SNW1: variants seen among roughly 807,000 people sequenced by gnomAD.
SNW1 encodes SNW domain containing 1, also known as SNW domain-containing protein 1.
A neutral mutation model predicts 75.6 loss-of-function variants in SNW1; 9 were observed. The observed-to-expected ratio is 0.12, with a 90% CI of 0.07 to 0.21. The LOEUF (loss-of-function observed/expected upper bound fraction) is 0.21. Among genes scored for constraint, SNW1 ranks in the 10% least tolerant of loss-of-function variants. SNW1 has a pLI of 1.00. For missense variants in SNW1, 409 were observed against 670.9 expected (o/e 0.61, Z 4.31); for synonymous variants, 200 against 219.1 (o/e 0.91, Z 0.77).
intron 12 of SNW1, among the ~76,000 whole-genome samples, chr14:77,720,223 CT>C (rs1369191703): frequency 2.1e-5 from 1 of 47,712 alleles, no homozygotes; most frequent in African/African-American, 1.0e-4. Context: ...GTGGCACAAT[CT>C]TGGCTCACCA....
rs2080881172 is a variant in SNW1 at position 77,760,673 on chromosome 14, C to T, written c.14+441G>A. The T allele has an allele frequency of 4.3e-6, 3 of 702,218 alleles. No individual in the cohort carries two copies. In the Admixed American group the frequency reaches 6.0e-5, roughly 14 times the overall value. The allele number at this position is 702,218 out of a possible 1,614,324, so 43.5% of individuals were successfully genotyped here. ...TTCAGGAATCCTTGTTTCGGGACAC[C>T]CAGTGGACAGCGAAAGGAGAGAGAC... On this transcript the variant is annotated intron_variant, in intron 1 of 13. Transcript: ENST00000261531.
At chr14:77,732,740 C>G in intron 8 of SNW1, 139 bp from the exon 9 acceptor site, 1 of 610,090 alleles carries the variant, frequency 1.6e-6, no homozygotes, top group South Asian at 2.0e-5. Flanking sequence ...TCTCGGCTCA[C>G]TGCAACCTCT....
At chr14:77,732,293 T>C (rs2080633594) in intron 9 of SNW1, among the ~76,000 whole-genome samples, 192 bp downstream of exon 9, 1 of 152,158 alleles carries the variant, frequency 6.6e-6, no homozygotes, top group Non-Finnish European at 1.5e-5. Context: ...CACTGTGGGG[T>C]GTATGTACAC....
intron 3 of SNW1, among the ~76,000 whole-genome samples, chr14:77,741,209 G>A (rs1418308277): frequency 6.6e-6 from 1 of 150,434 alleles, no homozygotes; most frequent in Non-Finnish European, 1.5e-5. Flanking sequence ...GAGATATTCT[G>A]TTACATGCTA....
At chr14:77,721,757 A>AT (rs1329378745) in intron 11 of SNW1, among the ~76,000 whole-genome samples, 3 of 151,406 alleles carry the variant, frequency 2.0e-5, no homozygotes, top group Non-Finnish European at 4.4e-5. Flanking sequence ...TTTATTTTTT[A>AT]TTTTTTATGA....
chr14:77,754,972 A>G lies in SNW1; in HGVS notation c.163T>C (p.Leu55=). The part of the protein sequence containing the change: ...GYRKGWIPRL[L]EDFGDGGAFP... ...AACTTAAGATCTATATGTACCTCTA[A>G]TAACCGAGGTATCCAGCCTTTCCGG... is the stretch of plus-strand genomic sequence containing the variant. The change falls in exon 2 of 14, where the codon TTA becomes CTA. Residue 55 remains leucine, a synonymous_variant. Transcript: ENST00000261531. 9 of 1,593,678 alleles carry G rather than the reference A, an allele frequency of 5.6e-6. No homozygotes were observed. The highest frequency in any genetic ancestry group is 7.7e-6 in the Non-Finnish European group (9 of 1,169,168).
intron 10 of SNW1, among the ~76,000 whole-genome samples, chr14:77,724,088 C>T (rs995267876): frequency 8.5e-5 from 13 of 152,264 alleles, no homozygotes; most frequent in African/African-American, 3.1e-4. Context: ...GTATTGCTGT[C>T]TTCAACTTAC....
At chr14:77,737,329 A>C (rs2080681081) in intron 5 of SNW1, among the ~76,000 whole-genome samples, 1 of 152,188 alleles carries the variant, frequency 6.6e-6, no homozygotes, top group Admixed American at 6.5e-5. Flanking sequence ...TCCAACATGG[A>C]AGGTGCCGTG....
intron 6 of SNW1, among the ~76,000 whole-genome samples, 165 bp from the exon 7 acceptor site, chr14:77,736,171 T>C (rs1041497661): frequency 6.6e-6 from 1 of 152,186 alleles, no homozygotes; most frequent in African/African-American, 2.4e-5. Flanking sequence ...GAATAAAACA[T>C]GGCCAACTTT....
chr14:77,761,041 G>A, intron 1 of SNW1, 73 bp downstream of exon 1: 4 of 1,614,252 alleles, frequency 2.5e-6, no homozygotes, highest in Non-Finnish European at 2.5e-6. Context: ...CGCCCGGAGG[G>A]TATGGGAAGA....
At position 77,760,683 on chromosome 14, in the gene SNW1, G is replaced by C. The variant is rs757764167; in HGVS notation, c.14+431C>G. The C allele has an allele frequency of 5.7e-6, 4 of 702,398 alleles. No individual in the cohort carries two copies. In the South Asian group the frequency reaches 5.9e-5, roughly 10 times the overall value. 43.5% of individuals were successfully genotyped at this position (702,398 alleles called of 1,614,324 possible). A position where few individuals can be genotyped will look rare whatever the true frequency, so the allele number is the denominator to read the frequency against. On this transcript the variant is annotated intron_variant, in intron 1 of 13. Coordinates refer to ENST00000261531, the MANE Select transcript of SNW1 (RefSeq NM_012245.3). ...CTTGTTTCGGGACACCCAGTGGACA[G>C]CGAAAGGAGAGAGACCACCACAGGC...
chr14:77,718,226 T>G lies in SNW1; in HGVS notation c.1473A>C (p.Pro491=), dbSNP rs772697699. The change falls in exon 14 of 14, where the codon CCA becomes CCC. Residue 491 remains proline, a synonymous_variant. Coordinates refer to ENST00000261531, the MANE Select transcript of SNW1 (RefSeq NM_012245.3). ...CAAAAGGATCTTCCTCAAACTGCACTGGTCCTTCTCGGCCTCTCTGTCTAC... is the reference window on the plus strand; with the variant it reads ...CAAAAGGATCTTCCTCAAACTGCACGGGTCCTTCTCGGCCTCTCTGTCTAC... ...SDRRQRGREG[P]VQFEEDPFGL... 6.2e-7 allele frequency: 1 copy of G among 1,613,752 alleles called. No homozygotes were observed. Among genetic ancestry groups the G allele is most frequent in the Non-Finnish European group, 8.5e-7 (1 of 1,179,746 alleles).
In SNW1 at chr14:77,717,939, C is replaced by CA; in HGVS notation, c.*148_*149insT. ...AATAATTCAAAGTAGAATTTTCTAT[C>CA]CCCCCCATTTCTCCAGTAATAAAAA... On this transcript the variant is annotated 3_prime_UTR_variant, in exon 14 of 14. Transcript: ENST00000261531. 1 of 637,972 alleles carries CA rather than the reference C, an allele frequency of 1.6e-6. No homozygotes were observed. Among genetic ancestry groups the CA allele is most frequent in the Non-Finnish European group, 2.6e-6 (1 of 386,822 alleles). 39.5% of individuals were successfully genotyped at this position (637,972 alleles called of 1,614,324 possible). A position where few individuals can be genotyped will look rare whatever the true frequency, so the allele number is the denominator to read the frequency against.
chr14:77,752,851 A>C (rs1196439651), intron 2 of SNW1, among the ~76,000 whole-genome samples: 1 of 152,234 alleles, frequency 6.6e-6, no homozygotes, highest in East Asian at 1.9e-4. Flanking sequence ...TATTTGCTAA[A>C]GAGATGTTTG....
At chr14:77,750,105 G>A (rs1008864575) in intron 3 of SNW1, among the ~76,000 whole-genome samples, 3 of 152,202 alleles carry the variant, frequency 2.0e-5, no homozygotes, top group African/African-American at 7.2e-5. Context: ...AGAGGCTGAG[G>A]TGGGAGGAAT....
rs564888076 is a variant in SNW1, at chr14:77,732,767, C to T, written c.775-166G>A. ...GCAACCTCTGCCTCCTGGGTTCAAG[C>T]GAGTCTCCTACCTCAGCCTCCCGAG... On this transcript the variant is annotated intron_variant, in intron 8 of 13. Coordinates refer to ENST00000261531, the MANE Select transcript of SNW1 (RefSeq NM_012245.3). 9.2e-5 allele frequency among the ~76,000 whole-genome samples: 14 copies of T among 152,274 alleles called. No individual in the cohort carries two copies. In the South Asian group the frequency reaches 1.2e-3, roughly 14 times the overall value.
At chr14:77,751,849 A>ACACACAC (rs1566836281) in intron 2 of SNW1, among the ~76,000 whole-genome samples, 5 of 132,630 alleles carry the variant, frequency 3.8e-5, no homozygotes, top group Non-Finnish European at 6.7e-5. Flanking sequence ...CACACACCAC[A>ACACACAC]CACACACACA....
At chr14:77,728,954 C>G (rs2080607615) in intron 10 of SNW1, among the ~76,000 whole-genome samples, 1 of 152,120 alleles carries the variant, frequency 6.6e-6, no homozygotes, top group Non-Finnish European at 1.5e-5. Context: ...TTGTCTTTTT[C>G]TTATTAGTTT....
intron 10 of SNW1, among the ~76,000 whole-genome samples, chr14:77,726,439 G>GT (rs2080585137): frequency 6.6e-6 from 1 of 152,166 alleles, no homozygotes. Flanking sequence ...GATTACAGGT[G>GT]TGAGCCACCA....
Sources: allele counts gnomAD v4.1 joint callset (sites outside exome capture counted in the v4.1 genomes callset), GRCh38; gene constraint gnomAD v4.1.1; transcripts MANE v1.5; gene names NCBI Gene and HGNC (gene_info 2026-07-23, HGNC 2026-07-21).